Variants in RABGAP1 observed in about 807,000 individuals in gnomAD.
RABGAP1 encodes rab GTPase-activating protein 1.
Under a neutral mutation model 137.6 loss-of-function variants are expected in RABGAP1, and 23 were observed. The ratio of observed to expected loss-of-function variants is 0.17; its 90% CI spans 0.12 to 0.24. The LOEUF is 0.24. Ranked by LOEUF, RABGAP1 falls within the 10% of genes least tolerant of loss-of-function variation. The pLI is 1.00. For missense variants in RABGAP1, 906 were observed against 1,275.8 expected (o/e 0.71, Z 4.42); for synonymous variants, 451 against 450.7 (o/e 1.00, Z -0.01).
chr9:123,074,274 T>C lies in RABGAP1; in HGVS notation c.2110-11T>C. On this transcript the variant is annotated splice_polypyrimidine_tract_variant and intron_variant, in intron 16 of 25. Coordinates refer to ENST00000373647, the MANE Select transcript of RABGAP1 (RefSeq NM_012197.4). Reference sequence around the variant, plus strand: ...CATATGTGCCCAGAACTAATTGGTTTGCTATTTCAGGAATACATTCCTGAC... The same window carrying C: ...CATATGTGCCCAGAACTAATTGGTTCGCTATTTCAGGAATACATTCCTGAC... 2 of 1,613,538 alleles carry C rather than the reference T, an allele frequency of 1.2e-6. No individual in the cohort carries two copies. Among genetic ancestry groups the C allele is most frequent in the African/African-American group, 1.3e-5 (1 of 75,022 alleles).
intron 1 of RABGAP1, among the ~76,000 whole-genome samples, chr9:122,942,470 G>A (rs1310557864): frequency 2.6e-5 from 4 of 152,016 alleles, no homozygotes; most frequent in Non-Finnish European, 1.5e-5. Flanking sequence ...AGGAGTTCGA[G>A]ACCAGCCTGT....
chr9:122,940,839 G>C (rs538335001), upstream of RABGAP1: 4 of 152,726 alleles, frequency 2.6e-5, no homozygotes, highest in East Asian at 7.7e-4. Flanking sequence ...GCACAGTCCT[G>C]AGGCGGGCTG....
upstream of RABGAP1, chr9:122,940,478 G>C (rs761311887): frequency 4.6e-5 from 7 of 152,122 alleles, no homozygotes; most frequent in Non-Finnish European, 1.0e-4. Context: ...TTTATAAAAG[G>C]AGAAAAATGG....
intron 2 of RABGAP1, among the ~76,000 whole-genome samples, chr9:122,966,149 T>G (rs1452729554): frequency 6.6e-6 from 1 of 152,096 alleles, no homozygotes; most frequent in African/African-American, 2.4e-5. Context: ...AGGTAGGTAG[T>G]TTGATAGTTG....
chr9:123,061,402 A>G (rs2033965583), intron 13 of RABGAP1, among the ~76,000 whole-genome samples: 1 of 152,252 alleles, frequency 6.6e-6, no homozygotes, highest in Admixed American at 6.5e-5. Context: ...GGCATGAGCT[A>G]CTGCGCCTGG....
intron 2 of RABGAP1, among the ~76,000 whole-genome samples, chr9:122,982,362 T>C (rs1836116553): frequency 6.6e-6 from 1 of 152,224 alleles, no homozygotes; most frequent in African/African-American, 2.4e-5. Context: ...TGTTTTCTTT[T>C]AGGGTTAGCT....
chr9:123,103,977 G>GTGTC lies in RABGAP1; in HGVS notation c.*767_*768insCTGT, dbSNP rs2035423009. 1.7e-5 allele frequency: 1 copy of GTGTC among 57,396 alleles called. No individual in the cohort carries two copies. The highest frequency in any genetic ancestry group is 4.3e-5 in the African/African-American group (1 of 23,042). The allele number at this position is 57,396 out of a possible 1,614,324, so 3.6% of individuals were successfully genotyped here. ...GCTTAATGTGTTTGTGTGTGTGTGT[G>GTGTC]TGTGTGTGTGTGTGTGTGTATGTAT... On this transcript the variant is annotated 3_prime_UTR_variant, in exon 26 of 26. Coordinates refer to ENST00000373647, the MANE Select transcript of RABGAP1 (RefSeq NM_012197.4).
chr9:123,081,599 G>T (rs77806296), intron 19 of RABGAP1, among the ~76,000 whole-genome samples: 1,544 of 151,978 alleles, frequency 0.01, 5 homozygotes, highest in Non-Finnish European at 0.015. Flanking sequence ...ACCATTTCCT[G>T]GCTAATTTTT....
intron 13 of RABGAP1, among the ~76,000 whole-genome samples, chr9:123,042,737 CAGAAT>C (rs2033011661): frequency 6.6e-6 from 1 of 151,936 alleles, no homozygotes; most frequent in Non-Finnish European, 1.5e-5. Flanking sequence ...TCTTCAGAAA[CAGAAT>C]AGAGGAAAAG....
chr9:123,077,635 T>C (rs543882159), intron 19 of RABGAP1, among the ~76,000 whole-genome samples: 1 of 138,934 alleles, frequency 7.2e-6, no homozygotes, highest in South Asian at 2.3e-4. Flanking sequence ...TATTGTATTG[T>C]ATTGTATTGT....
intron 13 of RABGAP1, chr9:123,034,347 A>G: frequency 1.8e-6 from 1 of 565,786 alleles, no homozygotes. Context: ...GGGACTGGCC[A>G]GACAACTGCT....
chr9:123,031,574 G>T (rs2032300781), intron 13 of RABGAP1, among the ~76,000 whole-genome samples: 1 of 152,148 alleles, frequency 6.6e-6, no homozygotes, highest in Admixed American at 6.6e-5. Flanking sequence ...TATGGTAAGT[G>T]TATTAAAAAT....
chr9:122,988,196 A>T (rs1013935375), intron 4 of RABGAP1, among the ~76,000 whole-genome samples: 6 of 152,222 alleles, frequency 3.9e-5, no homozygotes, highest in Admixed American at 3.9e-4. Context: ...TTAGAAAGCT[A>T]GTCGGTTTTA....
chr9:122,975,077 C>T (rs117698452), intron 2 of RABGAP1, among the ~76,000 whole-genome samples: 2,400 of 152,230 alleles, frequency 0.016, 35 homozygotes, highest in South Asian at 0.066. Context: ...TGAAGCTCAG[C>T]AATATTACTC....
chr9:122,958,811 C>T (rs546008990), intron 2 of RABGAP1, among the ~76,000 whole-genome samples: 1 of 152,150 alleles, frequency 6.6e-6, no homozygotes, highest in South Asian at 2.1e-4. Context: ...GAGTTGGAGA[C>T]CAGCCTGGGG....
intron 1 of RABGAP1, among the ~76,000 whole-genome samples, chr9:122,949,163 G>A (rs1357175517): frequency 6.6e-6 from 1 of 151,922 alleles, no homozygotes; most frequent in Admixed American, 6.6e-5. Context: ...ATCATTTGAG[G>A]TCAGGAGTTT....
chr9:123,038,994 C>T (rs2032814763), intron 13 of RABGAP1, among the ~76,000 whole-genome samples: 2 of 152,000 alleles, frequency 1.3e-5, no homozygotes, highest in African/African-American at 4.8e-5. Context: ...ATATTGATCC[C>T]TTCATACCTC....
At chr9:122,932,208 C>G in the RABGAP1 span, among the ~76,000 whole-genome samples, 1 of 152,144 alleles carries the variant, frequency 6.6e-6, no homozygotes, top group Non-Finnish European at 1.5e-5. Flanking sequence ...TTTGACCATT[C>G]TTTTCGTTTT....
chr9:122,980,073 A>C (rs1835966615), intron 2 of RABGAP1, among the ~76,000 whole-genome samples: 1 of 152,236 alleles, frequency 6.6e-6, no homozygotes, highest in South Asian at 2.1e-4. Context: ...TTTGTAAATA[A>C]AGTGTAATTG....
Sources: allele counts gnomAD v4.1 joint callset (sites outside exome capture counted in the v4.1 genomes callset), GRCh38; gene constraint gnomAD v4.1.1; transcripts MANE v1.5; gene names NCBI Gene and HGNC (gene_info 2026-07-23, HGNC 2026-07-21).